SCLT1: variants seen among roughly 807,000 people sequenced by gnomAD.
The protein encoded by SCLT1 is sodium channel-associated protein 1.
Under a neutral mutation model 112.8 loss-of-function variants are expected in SCLT1, and 78 were observed. That is an observed-to-expected ratio of 0.69 (90% CI 0.58 to 0.83). SCLT1 has a LOEUF of 0.83. SCLT1 is among the 40% of genes least tolerant of loss of function. The probability of loss-of-function intolerance (pLI) is 0.00; values close to 1 mark genes in which losing one functional copy is unlikely to be tolerated. For synonymous variants in SCLT1, 257 were observed against 254.7 expected (o/e 1.01, Z -0.09); for missense variants, 747 against 770.4 (o/e 0.97, Z 0.36).
intron 11 of SCLT1, 81 bp from the exon 12 acceptor site, chr4:128,959,858 C>G (rs1479771793): frequency 4.0e-6 from 4 of 1,011,206 alleles, no homozygotes; most frequent in Non-Finnish European, 6.0e-6. Flanking sequence ...TACTACAGGA[C>G]AGGTATTATG....
At chr4:129,043,324 AGAGG>A in intron 4 of SCLT1, 67 bp downstream of exon 4, 1 of 790,446 alleles carries the variant, frequency 1.3e-6, no homozygotes. Flanking sequence ...CTTTTTAAAA[AGAGG>A]GAGTCTATTT....
At chr4:128,949,032 A>C (rs944699557) in intron 14 of SCLT1, among the ~76,000 whole-genome samples, 1 of 152,202 alleles carries the variant, frequency 6.6e-6, no homozygotes, top group Non-Finnish European at 1.5e-5. Flanking sequence ...AAAATATTTT[A>C]TTAGCATGAA....
intron 18 of SCLT1, among the ~76,000 whole-genome samples, chr4:128,921,862 C>A (rs1046177599): frequency 2.0e-5 from 3 of 152,040 alleles, no homozygotes; most frequent in African/African-American, 7.2e-5. Context: ...AATAGACAAT[C>A]TACAGAATGG....
At chr4:129,036,794 T>C (rs551403741) in intron 5 of SCLT1, 4 of 151,834 alleles carry the variant, frequency 2.6e-5, no homozygotes, top group African/African-American at 7.2e-5. Context: ...TAAATATAGC[T>C]ACACTAAAAT....
At chr4:128,997,097 T>C (rs1489985002) in intron 8 of SCLT1, 1 of 152,044 alleles carries the variant, frequency 6.6e-6, no homozygotes, top group African/African-American at 2.4e-5. Flanking sequence ...AAACTGTATG[T>C]AATTAGACAC....
intron 5 of SCLT1, among the ~76,000 whole-genome samples, chr4:129,024,488 C>G (rs182267838): frequency 8.5e-4 from 130 of 152,338 alleles, no homozygotes; most frequent in Non-Finnish European, 1.5e-3. Flanking sequence ...CGCTGAGGGT[C>G]CTGTCTGTTA....
intron 5 of SCLT1, among the ~76,000 whole-genome samples, chr4:129,031,506 G>A (rs1184260206): frequency 1.3e-5 from 2 of 152,088 alleles, no homozygotes; most frequent in Non-Finnish European, 2.9e-5. Context: ...CAAATAGGAA[G>A]AGAGGAAGTC....
At chr4:129,088,911 C>T (rs1752613508) in intron 1 of SCLT1, among the ~76,000 whole-genome samples, 1 of 152,132 alleles carries the variant, frequency 6.6e-6, no homozygotes, top group Admixed American at 6.5e-5. Context: ...TAGAAGAAAA[C>T]CTAGGCAATA....
At position 128,911,382 on chromosome 4, in the gene SCLT1, GCTT is replaced by G. The variant is rs1409474995; in HGVS notation, c.1830-20248_1830-20246del. Reference sequence around the variant, plus strand: ...CACTAATAAGTTAACTAGTAAAACAGCTTCTTCTTTGAAGCTCAAAATTCTTTG... The same window carrying G: ...CACTAATAAGTTAACTAGTAAAACAGCTTCTTTGAAGCTCAAAATTCTTTG... On this transcript the variant is annotated intron_variant, in intron 18 of 20. Transcript: ENST00000281142. Among the ~76,000 whole-genome samples the G allele has an allele frequency of 2.6e-5, 4 of 152,270 alleles. No homozygotes were observed. The East Asian group carries it at 5.8e-4, about 22-fold the overall frequency.
chr4:128,936,633 A>C (rs1263213129), intron 18 of SCLT1, 22 bp downstream of exon 18: 2 of 1,464,530 alleles, frequency 1.4e-6, no homozygotes, highest in Non-Finnish European at 1.9e-6. Context: ...AAAACATGTC[A>C]AACAACTAAC....
intron 9 of SCLT1, among the ~76,000 whole-genome samples, chr4:128,987,671 A>G (rs1742218043): frequency 1.3e-5 from 2 of 152,282 alleles, no homozygotes; most frequent in Admixed American, 6.5e-5. Flanking sequence ...AGAATGAAAC[A>G]TGCCTACAAG....
chr4:129,025,985 A>C (rs1373204553), intron 5 of SCLT1, among the ~76,000 whole-genome samples: 7 of 152,212 alleles, frequency 4.6e-5, no homozygotes, highest in Non-Finnish European at 1.0e-4. Flanking sequence ...GGATCAATTC[A>C]ACAAGAAGAG....
chr4:128,899,477 A>C (rs1026854894), intron 18 of SCLT1, among the ~76,000 whole-genome samples: 18 of 150,278 alleles, frequency 1.2e-4, no homozygotes, highest in South Asian at 4.2e-4. Context: ...TTCAACAACC[A>C]TTCATGCTAA....
intron 18 of SCLT1, among the ~76,000 whole-genome samples, chr4:128,918,357 C>T (rs1389959988): frequency 6.6e-6 from 1 of 152,070 alleles, no homozygotes; most frequent in Non-Finnish European, 1.5e-5. Context: ...ACTGATAGAG[C>T]AGGAAAACTC....
intron 5 of SCLT1, 53 bp downstream of exon 5, chr4:129,038,988 A>G (rs1279477240): frequency 9.1e-7 from 1 of 1,102,702 alleles, no homozygotes; most frequent in African/African-American, 1.6e-5. Flanking sequence ...TAACAAAAAT[A>G]AAAGTTACCT....
intron 2 of SCLT1, among the ~76,000 whole-genome samples, chr4:129,064,155 AGTTG>A (rs1197501594): frequency 6.6e-6 from 1 of 152,136 alleles, no homozygotes; most frequent in Non-Finnish European, 1.5e-5. Context: ...CTAATTGAAT[AGTTG>A]GTTTTGTTTT....
chr4:128,985,377 C>T lies in SCLT1; in HGVS notation c.686+6790G>A, dbSNP rs58615279. On this transcript the variant is annotated intron_variant, in intron 9 of 20. Coordinates refer to ENST00000281142, the MANE Select transcript of SCLT1 (RefSeq NM_144643.4). ...TGTTTAAAAGATTTAAACTGTATCA[C>T]ACTGTAATTTTTTGGCCTCTTTATT... Among the ~76,000 whole-genome samples, 834 of 152,258 alleles carry T rather than the reference C, an allele frequency of 5.5e-3. 6 individuals carry two copies. Among genetic ancestry groups the T allele is most frequent in the African/African-American group, 0.019 (791 of 41,540 alleles).
chr4:128,894,327 C>A (rs534228931), intron 18 of SCLT1, among the ~76,000 whole-genome samples: 2 of 151,286 alleles, frequency 1.3e-5, no homozygotes, highest in East Asian at 3.9e-4. Flanking sequence ...TATACTGCAA[C>A]ATGGCAGGCA....
At chr4:128,930,782 C>T (rs1428859843) in intron 18 of SCLT1, among the ~76,000 whole-genome samples, 1 of 152,020 alleles carries the variant, frequency 6.6e-6, no homozygotes, top group African/African-American at 2.4e-5. Context: ...AATAACAAGA[C>T]ATATGGTAAA....
Sources: gnomAD v4.1 joint callset for allele counts (sites outside exome capture counted in the v4.1 genomes callset) on GRCh38, gnomAD v4.1.1 for gene constraint, MANE v1.5 for transcripts, NCBI Gene and HGNC (gene_info 2026-07-23, HGNC 2026-07-21) for gene names.